The following CTNNA3 variants were observed in gnomAD, a reference collection of about 807,000 sequenced individuals.
CTNNA3 encodes catenin alpha-3.
CTNNA3 carries 76 observed loss-of-function variants against 95.7 expected under a neutral mutation model. The observed-to-expected ratio is 0.79, with a 90% CI of 0.66 to 0.96. CTNNA3 has a LOEUF of 0.96. Among genes scored for constraint, CTNNA3 ranks in the 40% least tolerant of loss-of-function variants. The probability of loss-of-function intolerance (pLI) is 0.00; values close to 1 mark genes in which losing one functional copy is unlikely to be tolerated. For synonymous variants in CTNNA3, 431 were observed against 374.4 expected (o/e 1.15, Z -1.74); for missense variants, 1,191 against 1,089.8 (o/e 1.09, Z -1.31).
chr10:65,948,671 T>C (rs1220759294), intron 17 of CTNNA3, among the ~76,000 whole-genome samples: 4 of 152,154 alleles, frequency 2.6e-5, no homozygotes, highest in Non-Finnish European at 1.5e-5. Context: ...TTATTGAGGG[T>C]CAATGAAGAA....
At chr10:66,722,492 G>T (rs1848661573) in intron 9 of CTNNA3, among the ~76,000 whole-genome samples, 1 of 152,026 alleles carries the variant, frequency 6.6e-6, no homozygotes, top group African/African-American at 2.4e-5. Flanking sequence ...AAACCTACAA[G>T]TTAAAAGAAG....
chr10:66,208,432 A>G (rs2087908404), intron 13 of CTNNA3, among the ~76,000 whole-genome samples: 1 of 152,176 alleles, frequency 6.6e-6, no homozygotes, highest in East Asian at 1.9e-4. Flanking sequence ...TAACTAAACC[A>G]TAATACAATT....
chr10:67,723,121 G>A (rs1388732920), intron 1 of CTNNA3, among the ~76,000 whole-genome samples: 1 of 151,286 alleles, frequency 6.6e-6, no homozygotes, highest in East Asian at 1.9e-4. Flanking sequence ...CAAGTAGCTG[G>A]GACTACAGAC....
At chr10:66,082,727 A>T (rs1320460100) in intron 14 of CTNNA3, among the ~76,000 whole-genome samples, 5 of 152,154 alleles carry the variant, frequency 3.3e-5, no homozygotes, top group Non-Finnish European at 5.9e-5. Context: ...ACTTCAAAAT[A>T]AAAAATTAAA....
intron 2 of CTNNA3, among the ~76,000 whole-genome samples, chr10:67,622,209 T>C (rs1174352875): frequency 6.6e-6 from 1 of 152,238 alleles, no homozygotes; most frequent in Admixed American, 6.5e-5. Flanking sequence ...GCACAATTGC[T>C]TCTATCAATC....
chr10:66,139,412 T>G (rs879941270), intron 13 of CTNNA3, among the ~76,000 whole-genome samples: 1 of 152,182 alleles, frequency 6.6e-6, no homozygotes, highest in African/African-American at 2.4e-5. Flanking sequence ...CTTACAACCA[T>G]GTACTGCCTT....
chr10:66,319,557 T>C (rs978469991), intron 12 of CTNNA3, among the ~76,000 whole-genome samples: 1 of 152,130 alleles, frequency 6.6e-6, no homozygotes. Flanking sequence ...GAACATAGAA[T>C]ATGAACATAA....
rs961811274 is a variant in CTNNA3 at position 67,586,645 on chromosome 10, A to T, written c.292+20212T>A. Among the ~76,000 whole-genome samples the T allele has an allele frequency of 3.3e-5, 5 of 151,870 alleles. No homozygotes were observed. The East Asian group carries it at 9.7e-4, about 29-fold the overall frequency. On this transcript the variant is annotated intron_variant, in intron 3 of 17. Coordinates refer to ENST00000433211, the MANE Select transcript of CTNNA3 (RefSeq NM_013266.4). ...GCTTGCTTTGGCTTCTGTTTTGTGGAATATCTCCCCACCCCATCCCTATTT... is the reference window on the plus strand; with the variant it reads ...GCTTGCTTTGGCTTCTGTTTTGTGGTATATCTCCCCACCCCATCCCTATTT...
At chr10:67,077,356 T>C (rs1856794791) in intron 7 of CTNNA3, among the ~76,000 whole-genome samples, 1 of 152,168 alleles carries the variant, frequency 6.6e-6, no homozygotes, top group African/African-American at 2.4e-5. Flanking sequence ...TCAAAATCCC[T>C]AAAAATTTAT....
chr10:67,138,710 A>G (rs1366232281), intron 7 of CTNNA3, among the ~76,000 whole-genome samples: 1 of 152,210 alleles, frequency 6.6e-6, no homozygotes, highest in African/African-American at 2.4e-5. Flanking sequence ...TGATTTGCCC[A>G]TAAATGAGCA....
intron 3 of CTNNA3, among the ~76,000 whole-genome samples, chr10:67,577,049 A>C (rs1326108103): frequency 6.6e-6 from 1 of 150,854 alleles, no homozygotes; most frequent in East Asian, 2.0e-4. Flanking sequence ...CATGATTTAT[A>C]GTCCTTTGGG....
intron 7 of CTNNA3, among the ~76,000 whole-genome samples, chr10:67,061,627 G>C (rs745988005): frequency 6.6e-6 from 1 of 152,304 alleles, no homozygotes; most frequent in Non-Finnish European, 1.5e-5. Flanking sequence ...GAAGAGAAAG[G>C]ATGTTCCACA....
At chr10:66,812,140 C>G (rs1841905654) in intron 7 of CTNNA3, among the ~76,000 whole-genome samples, 1 of 152,022 alleles carries the variant, frequency 6.6e-6, no homozygotes, top group African/African-American at 2.4e-5. Flanking sequence ...TAAAATAAAA[C>G]AAGTAGTTTA....
At chr10:67,345,607 G>A (rs902494471) in intron 5 of CTNNA3, among the ~76,000 whole-genome samples, 21 of 151,688 alleles carry the variant, frequency 1.4e-4, no homozygotes, top group African/African-American at 3.6e-4. Flanking sequence ...TATTGTTTTC[G>A]CCTTGAAATC....
chr10:67,168,565 T>C (rs774058878), intron 7 of CTNNA3, among the ~76,000 whole-genome samples: 4 of 152,216 alleles, frequency 2.6e-5, no homozygotes, highest in Non-Finnish European at 4.4e-5. Context: ...GAAAAGGCTT[T>C]TGATAAAATT....
intron 11 of CTNNA3, among the ~76,000 whole-genome samples, chr10:66,484,441 A>C (rs74141511): frequency 0.04 from 6,082 of 152,068 alleles, 126 homozygotes; most frequent in Middle Eastern, 0.095. Flanking sequence ...ATATTTTAGG[A>C]TATAAAAAAG....
intron 13 of CTNNA3, among the ~76,000 whole-genome samples, chr10:66,115,163 T>A (rs2082276321): frequency 6.6e-6 from 1 of 152,200 alleles, no homozygotes; most frequent in Non-Finnish European, 1.5e-5. Context: ...GCTGGCCTTG[T>A]CACCTTGCAA....
At chr10:66,450,916 A>G (rs2093459325) in intron 11 of CTNNA3, among the ~76,000 whole-genome samples, 1 of 152,058 alleles carries the variant, frequency 6.6e-6, no homozygotes, top group Admixed American at 6.6e-5. Flanking sequence ...GACTACAAAC[A>G]TTTTTCCGGT....
intron 14 of CTNNA3, among the ~76,000 whole-genome samples, chr10:66,092,762 A>G (rs896921052): frequency 1.3e-4 from 19 of 151,946 alleles, no homozygotes; most frequent in Non-Finnish European, 2.8e-4. Flanking sequence ...CTATAAATCA[A>G]TGGAAGAGGA....
Sources: allele counts gnomAD v4.1 joint callset (sites outside exome capture counted in the v4.1 genomes callset), GRCh38; gene constraint gnomAD v4.1.1; transcripts MANE v1.5; gene names NCBI Gene and HGNC (gene_info 2026-07-23, HGNC 2026-07-21).